The following XKR4 variants were observed in gnomAD, a reference collection of about 807,000 sequenced individuals.
XKR4 encodes XK-related protein 4.
XKR4 carries 12 observed loss-of-function variants against 53.9 expected under a neutral mutation model. The observed-to-expected ratio is 0.22, with a 90% CI of 0.14 to 0.36. XKR4 has a LOEUF of 0.36. Ranked by LOEUF, XKR4 falls within the 10% of genes least tolerant of loss-of-function variation. The pLI, the probability that XKR4 is intolerant of heterozygous loss-of-function variation, is 1.00. For synonymous variants in XKR4, 354 were observed against 362.4 expected, an observed-to-expected ratio of 0.98 and a Z score of 0.26; for missense variants, 799 against 859.5, an observed-to-expected ratio of 0.93 and a Z score of 0.88.
intron 2 of XKR4, among the ~76,000 whole-genome samples, chr8:55,472,579 A>T (rs1455322399): frequency 2.0e-5 from 3 of 152,018 alleles, no homozygotes; most frequent in Non-Finnish European, 4.4e-5. Flanking sequence ...ACCAGCAACA[A>T]GGGGGAGAAA....
chr8:55,464,365 A>G (rs1174157191), intron 2 of XKR4, among the ~76,000 whole-genome samples: 1 of 152,188 alleles, frequency 6.6e-6, no homozygotes, highest in Admixed American at 6.5e-5. Flanking sequence ...AACAGAACCA[A>G]AGACAAAAAC....
At chr8:55,272,522 AC>A (rs1156526319) in intron 1 of XKR4, among the ~76,000 whole-genome samples, 2 of 152,132 alleles carry the variant, frequency 1.3e-5, no homozygotes, top group African/African-American at 4.8e-5. Flanking sequence ...CAGGCTTAGA[AC>A]CTCTTTGACA....
chr8:55,535,116 A>ACTAG lies in XKR4; in HGVS notation c.*10891_*10894dup, dbSNP rs1195400787. 8 of 152,230 alleles carry ACTAG rather than the reference A, an allele frequency of 5.3e-5. No homozygotes were observed. The highest frequency in any genetic ancestry group is 1.9e-4 in the African/African-American group (8 of 41,460). The allele number at this position is 152,230 out of a possible 1,614,324, so 9.4% of individuals were successfully genotyped here. A position where few individuals can be genotyped will look rare whatever the true frequency, so the allele number is the denominator to read the frequency against. On this transcript the variant is annotated 3_prime_UTR_variant, in exon 3 of 3. Transcript: ENST00000327381. ...CTGAATGATCTTCCCAGTTATCAGCACTAGCATCACGGCGAGTCAGTTTTC... is the reference window on the plus strand; with the variant it reads ...CTGAATGATCTTCCCAGTTATCAGCACTAGCTAGCATCACGGCGAGTCAGTTTTC...
intron 1 of XKR4, among the ~76,000 whole-genome samples, chr8:55,337,136 C>T (rs1196345197): frequency 6.6e-6 from 1 of 152,110 alleles, no homozygotes; most frequent in Non-Finnish European, 1.5e-5. Flanking sequence ...TTCAGAAATT[C>T]AGTGGGAAAC....
intron 1 of XKR4, among the ~76,000 whole-genome samples, chr8:55,262,590 G>A (rs1563496101): frequency 6.6e-6 from 1 of 152,248 alleles, no homozygotes. Flanking sequence ...TAGGGACATA[G>A]TGAGAAGACA....
At chr8:55,179,094 G>A (rs761037376) in intron 1 of XKR4, among the ~76,000 whole-genome samples, 11 of 152,140 alleles carry the variant, frequency 7.2e-5, no homozygotes, top group Non-Finnish European at 1.6e-4. Flanking sequence ...TAGACATCAT[G>A]AAATCAGAGA....
At chr8:55,455,385 G>A (rs1452110698) in intron 2 of XKR4, among the ~76,000 whole-genome samples, 1 of 152,058 alleles carries the variant, frequency 6.6e-6, no homozygotes, top group African/African-American at 2.4e-5. Flanking sequence ...GGCCCTCTTC[G>A]CAAAGACTAC....
At chr8:55,322,283 T>C (rs1803227450) in intron 1 of XKR4, among the ~76,000 whole-genome samples, 1 of 152,224 alleles carries the variant, frequency 6.6e-6, no homozygotes, top group South Asian at 2.1e-4. Context: ...ACGTTCTTAT[T>C]TATAGCTGTA....
intron 1 of XKR4, among the ~76,000 whole-genome samples, chr8:55,163,615 G>T (rs1312814135): frequency 6.6e-6 from 1 of 152,160 alleles, no homozygotes; most frequent in African/African-American, 2.4e-5. Flanking sequence ...GGAGGCTGGG[G>T]TGGGCTGATC....
rs144546378 is a variant in XKR4 at position 55,441,341 on chromosome 8, C to T, written c.1007-81940C>T. On this transcript the variant is annotated intron_variant, in intron 2 of 2. Transcript: ENST00000327381. ...ACCAGGAAAATATAACAGTTCTAAA[C>T]TTACAGGCATTTAATAATATACCAA... Among the ~76,000 whole-genome samples, 279 of 152,084 alleles carry T rather than the reference C, an allele frequency of 1.8e-3. 6 individuals are homozygous for T. Among genetic ancestry groups the T allele is most frequent in the African/African-American group, 6.3e-3 (263 of 41,488 alleles).
rs1446708573 is a variant in XKR4 at position 55,536,460 on chromosome 8, T to C, written c.*12233T>C. 3 of 152,238 alleles carry C rather than the reference T, an allele frequency of 2.0e-5. No homozygotes were observed. Among genetic ancestry groups the C allele is most frequent in the South Asian group, 2.1e-4 (1 of 4,836 alleles). 9.4% of individuals were successfully genotyped at this position (152,238 alleles called of 1,614,324 possible). A position where few individuals can be genotyped will look rare whatever the true frequency, so the allele number is the denominator to read the frequency against. On this transcript the variant is annotated 3_prime_UTR_variant, in exon 3 of 3. Transcript: ENST00000327381. The stretch of plus-strand genomic sequence containing the variant: ...GTCCACATGACTGCAAATATCCTGA[T>C]GAAAAGTGGCCAAGTAGATCACTCA...
chr8:55,263,087 C>T (rs866049360), intron 1 of XKR4, among the ~76,000 whole-genome samples: 1 of 152,200 alleles, frequency 6.6e-6, no homozygotes, highest in African/African-American at 2.4e-5. Flanking sequence ...AGTTCAGCCC[C>T]CTCTCTCCAC....
chr8:55,453,075 C>A, intron 2 of XKR4: 2 of 579,428 alleles, frequency 3.5e-6, no homozygotes, highest in Non-Finnish European at 6.7e-6. Flanking sequence ...GGGCCTGATC[C>A]TCGGTGGGCT....
intron 1 of XKR4, among the ~76,000 whole-genome samples, chr8:55,200,642 A>G (rs1339071928): frequency 6.6e-6 from 1 of 152,198 alleles, no homozygotes; most frequent in East Asian, 1.9e-4. Flanking sequence ...TCTAATTCAG[A>G]TTTGCAATAA....
chr8:55,251,892 C>T (rs1818367008), intron 1 of XKR4, among the ~76,000 whole-genome samples: 1 of 152,218 alleles, frequency 6.6e-6, no homozygotes, highest in African/African-American at 2.4e-5. Flanking sequence ...GCCTGCCTTA[C>T]TCTAATATCT....
At chr8:55,112,562 G>GTTTTTTTTTTTTTTTT (rs761779642) in intron 1 of XKR4, among the ~76,000 whole-genome samples, 1 of 77,214 alleles carries the variant, frequency 1.3e-5, no homozygotes, top group Non-Finnish European at 2.2e-5. Flanking sequence ...TACTTTTCAG[G>GTTTTTTTTTTTTTTTT]TTTTTTTTTT....
rs1236822927 is a variant in XKR4 at position 55,357,777 on chromosome 8, G to A, written c.906G>A (p.Val302=). The A allele has an allele frequency of 6.2e-7, 1 of 1,614,202 alleles. No homozygotes were observed. Among genetic ancestry groups the A allele is most frequent in the South Asian group, 1.1e-5 (1 of 91,086 alleles). The change falls in exon 2 of 3, where the codon GTG becomes GTA. Residue 302 remains valine, a synonymous_variant. Coordinates refer to ENST00000327381, the MANE Select transcript of XKR4 (RefSeq NM_052898.2). ...YWKMVYEYAD[V]SMLHLLATFL... Reference sequence around the variant, plus strand: ...AAATGGTATATGAGTATGCGGATGTGAGTATGCTGCATTTGCTAGCCACCT... The same window carrying A: ...AAATGGTATATGAGTATGCGGATGTAAGTATGCTGCATTTGCTAGCCACCT...
At chr8:55,138,885 G>A (rs892549356) in intron 1 of XKR4, among the ~76,000 whole-genome samples, 6 of 152,190 alleles carry the variant, frequency 3.9e-5, no homozygotes, top group African/African-American at 1.2e-4. Flanking sequence ...AATATGCAGG[G>A]ATGAGAGAAG....
chr8:55,238,050 T>TA (rs771510064), intron 1 of XKR4, among the ~76,000 whole-genome samples: 7 of 151,858 alleles, frequency 4.6e-5, no homozygotes, highest in African/African-American at 9.7e-5. Flanking sequence ...GACAGTGATA[T>TA]AAAAAAAATA....
Sources: allele counts gnomAD v4.1 joint callset (sites outside exome capture counted in the v4.1 genomes callset), GRCh38; gene constraint gnomAD v4.1.1; transcripts MANE v1.5; gene names NCBI Gene and HGNC (gene_info 2026-07-23, HGNC 2026-07-21).